SP140: variants seen among roughly 807,000 people sequenced by gnomAD.
SP140 encodes the protein nuclear body protein SP140.
SP140 carries 81 observed loss-of-function variants against 125.0 expected under a neutral mutation model. The ratio of observed to expected loss-of-function variants is 0.65; its 90% confidence interval spans 0.54 to 0.78. The LOEUF is 0.78. SP140 is among the 30% of genes least tolerant of loss of function. SP140 has a pLI of 0.00. For synonymous variants in SP140, 312 were observed against 354.0 expected (o/e 0.88, Z 1.33); for missense variants, 858 against 1,037.0 (o/e 0.83, Z 2.37).
At position 230,238,297 on chromosome 2, in the gene SP140, T is replaced by C; in HGVS notation, c.322T>C (p.Trp108Arg). Residue 108 changes from tryptophan (W) to arginine (R), a missense_variant, in exon 3 of 27, where the codon TGG (tryptophan) becomes CGG (arginine). Around this residue, in one of 4 missense-constraint regions of SP140, gnomAD observed 791 missense variants for 869.5 expected, o/e 0.91. Coordinates refer to ENST00000392045, the MANE Select transcript of SP140 (RefSeq NM_007237.5). ...CAGTGAACTGGAGAAGACATTTGGC[T>C]GGTCACATCTGGAAGCATTGTTCAG... ...VLSELEKTFG[W>R]SHLEALFSRI... is the part of the protein sequence containing the mutation. 2 of 1,613,996 alleles carry C rather than the reference T, an allele frequency of 1.2e-6. No homozygotes were observed. Among genetic ancestry groups the C allele is most frequent in the Non-Finnish European group, 1.7e-6 (2 of 1,179,854 alleles).
At chr2:230,216,704 G>A in intron 3 of SP140, 1 of 1,568,664 alleles carries the variant, frequency 6.4e-7, no homozygotes, top group Non-Finnish European at 8.8e-7. Flanking sequence ...AGCCCTGGTG[G>A]TTTGTGGTTT....
chr2:230,269,990 C>T (rs1301701156), intron 14 of SP140, 37 bp downstream of exon 14: 1 of 1,381,886 alleles, frequency 7.2e-7, no homozygotes, highest in Non-Finnish European at 1.0e-6. Flanking sequence ...GGGGGTGGCT[C>T]AGTGGGCCCC....
chr2:230,202,478 T>C (rs2043279280), upstream of SP140: 3 of 1,118,390 alleles, frequency 2.7e-6, no homozygotes, highest in Admixed American at 5.7e-5. Flanking sequence ...ACTTTTTCCT[T>C]TTACTATTGA....
intron 12 of SP140, among the ~76,000 whole-genome samples, chr2:230,261,805 A>G (rs2052302869): frequency 1.3e-5 from 2 of 152,162 alleles, no homozygotes; most frequent in Admixed American, 1.3e-4. Flanking sequence ...TATGAAACCT[A>G]CTTCATCGTC....
chr2:230,283,781 T>C (rs2149433630), intron 15 of SP140, among the ~76,000 whole-genome samples: 1 of 152,320 alleles, frequency 6.6e-6, no homozygotes, highest in Middle Eastern at 3.4e-3. Flanking sequence ...GATGAGTTTC[T>C]GGGGTCACCA....
chr2:230,294,244 A>C, intron 20 of SP140, 27 bp from the exon 21 acceptor site: 1 of 1,605,396 alleles, frequency 6.2e-7, no homozygotes, highest in Non-Finnish European at 8.5e-7. Context: ...CAGGCTGACC[A>C]TATACCTGAA....
chr2:230,279,393 A>G lies in SP140; in HGVS notation c.1499-4953A>G, dbSNP rs143152145. Reference sequence around the variant, plus strand: ...AAAAAAAAGGAAACAAACTGGAGGCATCATACTGTCTGATTTTAAACTATG... The same window carrying G: ...AAAAAAAAGGAAACAAACTGGAGGCGTCATACTGTCTGATTTTAAACTATG... On this transcript the variant is annotated intron_variant, in intron 15 of 26. Transcript: ENST00000392045. Among the ~76,000 whole-genome samples, 36 of 152,296 alleles carry G rather than the reference A, an allele frequency of 2.4e-4. 1 individual carries two copies. The highest frequency in any genetic ancestry group is 8.2e-4 in the African/African-American group (34 of 41,590).
chr2:230,247,900 CT>C lies in SP140; in HGVS notation c.743-10del, dbSNP rs1559249028. On this transcript the variant is annotated splice_polypyrimidine_tract_variant and intron_variant, in intron 7 of 26. Transcript: ENST00000392045. ...AAATTACATACACTCTCAGAGATGC[CT>C]TTTTTGATCCCTAGTTCTAGAAAGC... The C allele has an allele frequency of 6.2e-7, 1 of 1,611,484 alleles. No homozygotes were observed.
chr2:230,231,515 G>T (rs1473734604), intron 1 of SP140, among the ~76,000 whole-genome samples: 1 of 152,120 alleles, frequency 6.6e-6, no homozygotes, highest in Non-Finnish European at 1.5e-5. Flanking sequence ...GTTTCTCTGA[G>T]AACTCCTTTT....
chr2:230,264,608 C>T (rs544916012), intron 12 of SP140, among the ~76,000 whole-genome samples: 67 of 152,342 alleles, frequency 4.4e-4, no homozygotes, highest in African/African-American at 1.3e-3. Context: ...TAGGCTCTGT[C>T]AGAGGGAGGG....
chr2:230,269,673 AAGG>A, intron 13 of SP140, 55 bp downstream of exon 13: 2 of 1,207,300 alleles, frequency 1.7e-6, no homozygotes, highest in Non-Finnish European at 2.4e-6. Context: ...TAAAGAGAAA[AAGG>A]AGGAGAAAAA....
chr2:230,207,205 G>A (rs1182939206), intron 1 of SP140, among the ~76,000 whole-genome samples: 1 of 152,088 alleles, frequency 6.6e-6, no homozygotes, highest in South Asian at 2.1e-4. Context: ...TATCTAAACA[G>A]AAAAATCCAT....
chr2:230,272,681 A>T (rs2054113648), intron 15 of SP140, among the ~76,000 whole-genome samples: 2 of 152,088 alleles, frequency 1.3e-5, no homozygotes, highest in Admixed American at 6.6e-5. Flanking sequence ...GTGTGTCTTT[A>T]TCAACAGTAT....
intron 1 of SP140, among the ~76,000 whole-genome samples, chr2:230,204,672 A>G (rs190669215): frequency 6.6e-6 from 1 of 151,940 alleles, no homozygotes; most frequent in East Asian, 1.9e-4. Flanking sequence ...AGCCTAGAAG[A>G]GACACATTAT....
Position 230,309,904 on chromosome 2 carries a change from G to C in SP140, c.2059-20G>C. On this transcript the variant is annotated intron_variant, in intron 22 of 26. Transcript: ENST00000392045. Reference sequence around the variant, plus strand: ...GAATCTTGCGGTTCCCAGTGACGTGGACACTGTTTTATCTTCTAGATGAGA... The same window carrying C: ...GAATCTTGCGGTTCCCAGTGACGTGCACACTGTTTTATCTTCTAGATGAGA... 21 of 1,612,584 alleles carry C rather than the reference G, an allele frequency of 1.3e-5. No individual in the cohort carries two copies. Among genetic ancestry groups the C allele is most frequent in the Non-Finnish European group, 1.8e-5 (21 of 1,179,700 alleles).
chr2:230,247,996 A>G lies in SP140; in HGVS notation c.823A>G (p.Arg275Gly). The change falls in exon 8 of 27, where the codon AGG (arginine) becomes GGG (glycine). Residue 275 changes from arginine (R) to glycine (G), a missense_variant. Coordinates refer to ENST00000392045, the MANE Select transcript of SP140 (RefSeq NM_007237.5). ...PGEKQGEEEG[R>G]NSPRKRNQDK... The stretch of plus-strand genomic sequence containing the variant: ...GGAGAAACAGGGAGAGGAGGAAGGC[A>G]GGAACAGTCCCAGAAAAAGAAACCA... 1 of 1,613,970 alleles carries G rather than the reference A, an allele frequency of 6.2e-7. No homozygotes were observed. The highest frequency in any genetic ancestry group is 1.3e-5 in the African/African-American group (1 of 75,052).
At chr2:230,294,477 C>T (rs935515253) in intron 21 of SP140, among the ~76,000 whole-genome samples, 159 bp downstream of exon 21, 1 of 152,138 alleles carries the variant, frequency 6.6e-6, no homozygotes, top group African/African-American at 2.4e-5. Flanking sequence ...CCTTCAGAGT[C>T]GCTAATTTGA....
At chr2:230,298,033 G>T (rs2057924149) in intron 22 of SP140, among the ~76,000 whole-genome samples, 1 of 152,132 alleles carries the variant, frequency 6.6e-6, no homozygotes, top group Non-Finnish European at 1.5e-5. Context: ...ATGGTTTCAG[G>T]GAAGCCATTA....
chr2:230,286,091 C>T (rs2303542), intron 17 of SP140, among the ~76,000 whole-genome samples: 60,790 of 152,000 alleles, frequency 0.4, 12,392 homozygotes, highest in Middle Eastern at 0.51. Flanking sequence ...TCCTTTGCCT[C>T]AAATCATTGT....
Sources: allele counts gnomAD v4.1 joint callset (sites outside exome capture counted in the v4.1 genomes callset), GRCh38; gene constraint gnomAD v4.1.1; regional missense constraint gnomAD v4.1.1; transcripts MANE v1.5; gene names NCBI Gene and HGNC (gene_info 2026-07-23, HGNC 2026-07-21).